The following ODF2 variants were observed in gnomAD, a reference collection of about 807,000 sequenced individuals.
ODF2 encodes outer dense fiber protein 2.
A neutral mutation model predicts 110.2 loss-of-function variants in ODF2; 47 were observed. The ratio of observed to expected loss-of-function variants is 0.43; its 90% confidence interval spans 0.34 to 0.54. The LOEUF (loss-of-function observed/expected upper bound fraction) is 0.54, where lower values mean the gene tolerates loss of function less well. Among genes scored for constraint, ODF2 ranks in the 20% least tolerant of loss-of-function variants. The pLI, the probability that ODF2 is intolerant of heterozygous loss-of-function variation, is 0.03. For synonymous variants in ODF2, 352 were observed against 397.7 expected (o/e 0.89, Z 1.37); for missense variants, 812 against 1,054.5 (o/e 0.77, Z 3.19).
intron 13 of ODF2, among the ~76,000 whole-genome samples, chr9:128,487,236 C>T (rs1341488575): frequency 6.6e-6 from 1 of 152,202 alleles, no homozygotes; most frequent in African/African-American, 2.4e-5. Context: ...TGTGAGCTGC[C>T]ACACCCAGCC....
upstream of ODF2, chr9:128,456,031 G>T: frequency 6.9e-7 from 1 of 1,455,296 alleles, no homozygotes; most frequent in Non-Finnish European, 9.1e-7. Context: ...TCTCTGTGAC[G>T]CTAGGGGCTG....
intron 2 of ODF2, among the ~76,000 whole-genome samples, chr9:128,458,112 A>C (rs1835412017): frequency 9.4e-6 from 1 of 106,180 alleles, no homozygotes; most frequent in African/African-American, 3.7e-5. Context: ...TCTCTGCCCC[A>C]CCCTCCCTGC....
chr9:128,469,245 G>A, exon 5 of ODF2: 3 of 1,614,126 alleles, frequency 1.9e-6, no homozygotes, highest in Non-Finnish European at 2.5e-6. Context: ...CAGTGATGCG[G>A]TTAAGTGACC....
Position 128,460,340 on chromosome 9 carries a change from C to T in ODF2, c.124-602C>T, listed in dbSNP as rs549800351. ...CCTCTCTTGAGTGGACCAGAATCTC[C>T]CTTGTGGTCTTCTGCTGGGATCTCT... On this transcript the variant is annotated intron_variant, in intron 3 of 20. Coordinates refer to ENST00000604420, the Ensembl canonical transcript of ODF2. The T allele has an allele frequency of 1.9e-4, 272 of 1,434,824 alleles. 2 individuals carry two copies. In the Middle Eastern group the frequency reaches 2.1e-3, roughly 11 times the overall value. 88.9% of individuals were successfully genotyped at this position (1,434,824 alleles called of 1,614,324 possible).
exon 7 of ODF2, chr9:128,473,023 C>A (rs1396464461): frequency 1.2e-6 from 2 of 1,614,046 alleles, no homozygotes. Context: ...TTGAAGGATA[C>A]CATCGGGAAG....
In ODF2 at chr9:128,487,742, G is replaced by A. The variant is rs956866136; in HGVS notation, c.1401-148G>A. 7 of 840,626 alleles carry A rather than the reference G, an allele frequency of 8.3e-6. 1 individual carries two copies. Among genetic ancestry groups the A allele is most frequent in the East Asian group, 2.9e-5 (1 of 34,454 alleles). 52.1% of individuals were successfully genotyped at this position (840,626 alleles called of 1,614,324 possible). On this transcript the variant is annotated intron_variant, in intron 13 of 20. Transcript: ENST00000604420. ...GCGGAGCTTGCAGTGAGCCAAGATC[G>A]CGCCACTGCACTCCAGCCTAGGTGA... is the stretch of plus-strand genomic sequence containing the variant.
At chr9:128,474,821 T>C (rs941507624) in intron 8 of ODF2, among the ~76,000 whole-genome samples, 1 of 148,356 alleles carries the variant, frequency 6.7e-6, no homozygotes, top group Non-Finnish European at 1.5e-5. Context: ...AAAATGAGCC[T>C]GGCCTGGTGG....
At chr9:128,483,631 T>C (rs1026909322) in intron 10 of ODF2, among the ~76,000 whole-genome samples, 2 of 146,780 alleles carry the variant, frequency 1.4e-5, no homozygotes, top group South Asian at 4.3e-4. Context: ...ACGCCTGTAA[T>C]CCCAGCACTT....
intron 4 of ODF2, among the ~76,000 whole-genome samples, chr9:128,466,311 CA>C (rs1342099096): frequency 6.6e-6 from 1 of 151,758 alleles, no homozygotes; most frequent in Non-Finnish European, 1.5e-5. Flanking sequence ...ACCAAAAATA[CA>C]AAAAATTAGC....
intron 8 of ODF2, among the ~76,000 whole-genome samples, chr9:128,477,603 CT>C (rs536851417): frequency 2.7e-5 from 4 of 148,036 alleles, no homozygotes; most frequent in Admixed American, 6.8e-5. Flanking sequence ...CACTGCCCAG[CT>C]TTTTTTTTTC....
At chr9:128,477,840 C>T (rs1257403733) in intron 8 of ODF2, among the ~76,000 whole-genome samples, 1 of 151,800 alleles carries the variant, frequency 6.6e-6, no homozygotes, top group African/African-American at 2.4e-5. Flanking sequence ...CTCAGGTAAT[C>T]CACCCGCCTC....
intron 10 of ODF2, 106 bp from the exon 11 acceptor site, chr9:128,483,832 G>A (rs779478851): frequency 1.9e-5 from 15 of 783,806 alleles, no homozygotes; most frequent in Non-Finnish European, 3.4e-5. Flanking sequence ...GTTGCAGTGA[G>A]CTGAGATTGC....
At chr9:128,498,891 T>C in intron 19 of ODF2, 110 bp from the exon 20 acceptor site, 1 of 1,395,996 alleles carries the variant, frequency 7.2e-7, no homozygotes, top group African/African-American at 1.4e-5. Flanking sequence ...CAGTCCACAA[T>C]GATGTGCAAG....
At chr9:128,470,050 T>TATATATATATATATAA in intron 5 of ODF2, among the ~76,000 whole-genome samples, 1 of 47,680 alleles carries the variant, frequency 2.1e-5, no homozygotes, top group Non-Finnish European at 4.1e-5. Context: ...TATATATAAA[T>TATATATATATATATAA]AAAAAAATTA....
chr9:128,478,758 G>A (rs959645392), intron 8 of ODF2, among the ~76,000 whole-genome samples: 2 of 152,122 alleles, frequency 1.3e-5, no homozygotes, highest in Admixed American at 6.6e-5. Flanking sequence ...TCCAGGCTCA[G>A]CTCCTTGGTG....
chr9:128,483,045 GC>G (rs1842721542), intron 10 of ODF2, among the ~76,000 whole-genome samples, 158 bp downstream of exon 10: 1 of 152,022 alleles, frequency 6.6e-6, no homozygotes, highest in Admixed American at 6.6e-5. Flanking sequence ...ACAGGCGTGC[GC>G]CACCACGCCC....
chr9:128,473,455 C>T (rs1449698595), intron 7 of ODF2, among the ~76,000 whole-genome samples, 155 bp from the exon 8 acceptor site: 6 of 152,044 alleles, frequency 3.9e-5, no homozygotes, highest in Admixed American at 1.3e-4. Context: ...TTTAGGTCCA[C>T]CGCTTCCAGG....
At chr9:128,490,857 A>G (rs1844406877) in intron 14 of ODF2, among the ~76,000 whole-genome samples, 1 of 152,110 alleles carries the variant, frequency 6.6e-6, no homozygotes, top group Non-Finnish European at 1.5e-5. Context: ...TACTTTATTC[A>G]TTTGATACAC....
chr9:128,461,047 C>T (rs780235002), exon 4 of ODF2: 1 of 1,614,114 alleles, frequency 6.2e-7, no homozygotes, highest in Non-Finnish European at 8.5e-7. Flanking sequence ...ATCTGCCCGG[C>T]CTGTGGGATG....
Sources: allele counts gnomAD v4.1 joint callset (sites outside exome capture counted in the v4.1 genomes callset), GRCh38; gene constraint gnomAD v4.1.1; transcripts MANE v1.5; gene names NCBI Gene and HGNC (gene_info 2026-07-23, HGNC 2026-07-21).